Variants in CFAP251 observed in about 807,000 individuals in gnomAD.
CFAP251 encodes cilia- and flagella-associated protein 251.
In CFAP251, 93 loss-of-function variants were observed where a neutral mutation model predicts 126.7. The ratio of observed to expected loss-of-function variants is 0.73; its 90% CI spans 0.62 to 0.87. The LOEUF (loss-of-function observed/expected upper bound fraction) is 0.87. Among genes scored for constraint, CFAP251 ranks in the 40% least tolerant of loss-of-function variants. The pLI is 0.00. For missense variants in CFAP251, 1,287 were observed against 1,389.2 expected, an observed-to-expected ratio of 0.93 and a Z score of 1.17; for synonymous variants, 503 against 506.9, an observed-to-expected ratio of 0.99 and a Z score of 0.10.
At chr12:121,947,751 A>G (rs1371799752) in intron 7 of CFAP251, 1 of 152,212 alleles carries the variant, frequency 6.6e-6, no homozygotes, top group Non-Finnish European at 1.5e-5. Context: ...TAATCTAATC[A>G]GAGCTTGAGG....
At chr12:121,971,954 T>G (rs1413893399) in intron 17 of CFAP251, 1 of 263,132 alleles carries the variant, frequency 3.8e-6, no homozygotes, top group Non-Finnish European at 7.4e-6. Flanking sequence ...CTGTTTCACT[T>G]GGCTCTCATT....
intron 19 of CFAP251, among the ~76,000 whole-genome samples, chr12:121,988,053 T>C (rs1016738549): frequency 6.6e-6 from 1 of 152,012 alleles, no homozygotes; most frequent in African/African-American, 2.4e-5. Context: ...GGTTTTATGA[T>C]ATAAAAGGGT....
At chr12:121,953,856 A>G in intron 9 of CFAP251, 1 of 417,566 alleles carries the variant, frequency 2.4e-6, no homozygotes, top group South Asian at 3.1e-5. Context: ...AGGTATAAAC[A>G]GTGATTAACC....
chr12:121,972,991 T>A (rs1400881066), intron 17 of CFAP251, among the ~76,000 whole-genome samples: 1 of 152,224 alleles, frequency 6.6e-6, no homozygotes, highest in Non-Finnish European at 1.5e-5. Flanking sequence ...TAGCTGAATG[T>A]TAATCTGCAA....
chr12:121,958,398 C>G lies in CFAP251; in HGVS notation c.1857C>G (p.Pro619=), dbSNP rs1415997339. 6.2e-7 allele frequency: 1 copy of G among 1,614,130 alleles called. No individual in the cohort carries two copies. The highest frequency in any genetic ancestry group is 2.2e-5 in the East Asian group (1 of 44,906). Residue 619 remains proline (P), a synonymous_variant, in exon 12 of 22, where the codon CCC becomes CCG. Coordinates refer to ENST00000288912, the MANE Select transcript of CFAP251 (RefSeq NM_144668.6). ...ICAISCHPYQ[P]LIAIGSICGM... is the part of the protein sequence containing the mutation. ...CCATCTCCTGCCACCCATATCAACC[C>G]CTCATTGCCATCGGGAGCATCTGTG... is the stretch of plus-strand genomic sequence containing the variant.
intron 19 of CFAP251, among the ~76,000 whole-genome samples, chr12:121,987,798 A>T (rs2135809728): frequency 6.6e-6 from 1 of 151,800 alleles, no homozygotes; most frequent in Non-Finnish European, 1.5e-5. Flanking sequence ...GAGAAGAAAG[A>T]TTGTATAGTC....
chr12:121,962,955 G>A (rs1306391334), intron 15 of CFAP251, among the ~76,000 whole-genome samples: 1 of 152,208 alleles, frequency 6.6e-6, no homozygotes, highest in African/African-American at 2.4e-5. Context: ...GGGGGCATGG[G>A]AGAGCAGGTC....
At chr12:121,958,145 T>C in intron 11 of CFAP251, 127 bp from the exon 12 acceptor site, 1 of 1,379,150 alleles carries the variant, frequency 7.3e-7, no homozygotes, top group Non-Finnish European at 9.8e-7. Context: ...TTTTTGGAAA[T>C]GTTGGGTTAA....
At chr12:121,947,018 T>C (rs1283883730) in intron 7 of CFAP251, among the ~76,000 whole-genome samples, 2 of 152,242 alleles carry the variant, frequency 1.3e-5, no homozygotes, top group Admixed American at 6.5e-5. Flanking sequence ...ATTACCTCTT[T>C]ACACATTTCT....
intron 9 of CFAP251, among the ~76,000 whole-genome samples, chr12:121,952,139 C>T (rs1433747837): frequency 6.7e-6 from 1 of 150,330 alleles, no homozygotes; most frequent in Non-Finnish European, 1.5e-5. Context: ...CAGTGGCTCT[C>T]ATCTGTAATC....
At chr12:121,922,077 A>C (rs1328920105) in intron 2 of CFAP251, among the ~76,000 whole-genome samples, 1 of 145,058 alleles carries the variant, frequency 6.9e-6, no homozygotes, top group Non-Finnish European at 1.5e-5. Context: ...TTACAGGCAC[A>C]CGCCACCACG....
intron 10 of CFAP251, among the ~76,000 whole-genome samples, chr12:121,956,208 G>A (rs535994691): frequency 8.5e-5 from 13 of 152,196 alleles, no homozygotes; most frequent in Non-Finnish European, 1.2e-4. Flanking sequence ...GTGCCTTCCT[G>A]TAAAGTGGCT....
At chr12:121,944,727 T>C (rs1202578424) in intron 7 of CFAP251, among the ~76,000 whole-genome samples, 1 of 152,202 alleles carries the variant, frequency 6.6e-6, no homozygotes, top group Non-Finnish European at 1.5e-5. Context: ...GTGTGTTGAT[T>C]TTGTACCTTG....
At chr12:121,925,181 G>A (rs868195367) in intron 3 of CFAP251, among the ~76,000 whole-genome samples, 6 of 152,248 alleles carry the variant, frequency 3.9e-5, no homozygotes, top group East Asian at 1.9e-4. Context: ...AGTGAAAGCC[G>A]CAGTGAAAAG....
rs996062159 is a variant in CFAP251, at chr12:121,942,496, A to G, written c.999-38A>G. The stretch of plus-strand genomic sequence containing the variant: ...TGGGACTCTCTGGGAAGCCAGGGAG[A>G]CCTCAGCAAGTGTCGCCCCCCTTGT... On this transcript the variant is annotated intron_variant, in intron 5 of 21. Transcript: ENST00000288912. The G allele has an allele frequency of 2.7e-6, 4 of 1,486,382 alleles. No individual in the cohort carries two copies. In the African/African-American group the frequency reaches 5.5e-5, roughly 21 times the overall value. 92.1% of individuals were successfully genotyped at this position (1,486,382 alleles called of 1,614,324 possible).
chr12:121,926,668 G>A (rs561757098), intron 3 of CFAP251, among the ~76,000 whole-genome samples: 1 of 152,134 alleles, frequency 6.6e-6, no homozygotes, highest in Non-Finnish European at 1.5e-5. Flanking sequence ...GTGTTGGCCG[G>A]GCGCGGTGGC....
At position 121,921,525 on chromosome 12, in the gene CFAP251, A is replaced by G. The variant is rs766097853; in HGVS notation, c.220A>G (p.Met74Val). ...EEGKEDKKIV[M>V]EETEEKAGEV... Reference sequence around the variant, plus strand: ...GGGGAAGGAGGACAAAAAGATTGTCATGGAAGAAACTGAGGAAAAGGCTGG... The same window carrying G: ...GGGGAAGGAGGACAAAAAGATTGTCGTGGAAGAAACTGAGGAAAAGGCTGG... The change falls in exon 2 of 22, where the codon ATG becomes GTG. Residue 74 changes from methionine to valine, a missense_variant. Coordinates refer to ENST00000288912, the MANE Select transcript of CFAP251 (RefSeq NM_144668.6). 2.7e-6 allele frequency: 4 copies of G among 1,469,348 alleles called. No homozygotes were observed. Among genetic ancestry groups the G allele is most frequent in the Non-Finnish European group, 3.7e-6 (4 of 1,082,082 alleles). The allele number at this position is 1,469,348 out of a possible 1,614,324, so 91.0% of individuals were successfully genotyped here. A position where few individuals can be genotyped will look rare whatever the true frequency, so the allele number is the denominator to read the frequency against.
At chr12:121,952,468 T>C (rs568133426) in intron 9 of CFAP251, among the ~76,000 whole-genome samples, 2 of 151,084 alleles carry the variant, frequency 1.3e-5, no homozygotes, top group African/African-American at 2.4e-5. Context: ...TCGTTGAACA[T>C]GAGTGGATCC....
Position 121,919,849 on chromosome 12 carries a change from A to C in CFAP251, c.-21+1154A>C, listed in dbSNP as rs114722463. On this transcript the variant is annotated intron_variant, in intron 1 of 21. Transcript: ENST00000288912. ...TTCCCAGAAAGTTGACAGGCCCTGG[A>C]TCAGTATTTTTAAGATCTGGGCCAC... 5.6e-3 allele frequency among the ~76,000 whole-genome samples: 849 copies of C among 152,300 alleles called. 6 individuals are homozygous for C. Among genetic ancestry groups the C allele is most frequent in the African/African-American group, 0.019 (788 of 41,566 alleles).
Sources: gnomAD v4.1 joint callset for allele counts (sites outside exome capture counted in the v4.1 genomes callset) on GRCh38, gnomAD v4.1.1 for gene constraint, MANE v1.5 for transcripts, NCBI Gene and HGNC (gene_info 2026-07-23, HGNC 2026-07-21) for gene names.